The following AHRR variants were observed in gnomAD, a reference collection of about 807,000 sequenced individuals.
AHRR encodes aryl hydrocarbon receptor repressor.
A neutral mutation model predicts 44.0 loss-of-function variants in AHRR; 28 were observed. The ratio of observed to expected loss-of-function variants is 0.64; its 90% CI spans 0.47 to 0.87. AHRR has a LOEUF of 0.87. Among genes scored for constraint, AHRR ranks in the 40% least tolerant of loss-of-function variants. AHRR has a pLI of 0.00. For synonymous variants in AHRR, 434 were observed against 407.0 expected (o/e 1.07, Z -0.80); for missense variants, 990 against 953.9 (o/e 1.04, Z -0.50).
intron 4 of AHRR, among the ~76,000 whole-genome samples, chr5:399,021 CT>C (rs1728283596): frequency 6.6e-6 from 1 of 152,280 alleles, no homozygotes; most frequent in African/African-American, 2.4e-5. Context: ...GGCCTCATGG[CT>C]GCTTCCCTGC....
In AHRR at chr5:427,846, CAGA is replaced by C. The variant is rs768231215; in HGVS notation, c.757_759del (p.Lys253del). On this transcript the variant is annotated inframe_deletion, in exon 8 of 11. Coordinates refer to ENST00000684583, the MANE Select transcript of AHRR (RefSeq NM_001377236.1). Reference sequence around the variant, plus strand: ...AGGAAAACTAAAATTCCTGTTTGGACAGAAGAAGAAGGCGCCGTCAGGAGCCAT... The same window carrying C: ...AGGAAAACTAAAATTCCTGTTTGGACAGAAGAAGGCGCCGTCAGGAGCCAT... 7 of 1,614,056 alleles carry C rather than the reference CAGA, an allele frequency of 4.3e-6. No homozygotes were observed. The highest frequency in any genetic ancestry group is 3.3e-5 in the South Asian group (3 of 91,088).
intron 5 of AHRR, 133 bp downstream of exon 5, chr5:413,566 A>T: frequency 1.5e-6 from 1 of 681,788 alleles, no homozygotes; most frequent in Non-Finnish European, 2.5e-6. Flanking sequence ...TATCAGATAA[A>T]GATCTCCACA....
At chr5:396,167 C>T (rs969349665) in intron 4 of AHRR, among the ~76,000 whole-genome samples, 7 of 152,130 alleles carry the variant, frequency 4.6e-5, no homozygotes, top group African/African-American at 1.7e-4. Flanking sequence ...AGAGGGGCCC[C>T]GGGCCTTGGG....
At chr5:407,796 C>G (rs1222995393) in intron 4 of AHRR, among the ~76,000 whole-genome samples, 1 of 152,216 alleles carries the variant, frequency 6.6e-6, no homozygotes, top group East Asian at 1.9e-4. Flanking sequence ...CTCGGCCTCT[C>G]AAAATGCTGG....
rs1579598249 is a variant in AHRR at position 342,159 on chromosome 5, T to A, written c.-10-1734T>A. ...TGTGTAAAAACCAGATACTCTTCGG[T>A]TGTTGGATGGAGTGTTTTATAAATT... On this transcript the variant is annotated intron_variant, in intron 1 of 10. Coordinates refer to ENST00000684583, the MANE Select transcript of AHRR (RefSeq NM_001377236.1). This position sits in a 1 kb window ranked among gnomAD's most constrained non-coding sequence, Gnocchi z 4.3. Among the ~76,000 whole-genome samples, 1 of 152,324 alleles carries A rather than the reference T, an allele frequency of 6.6e-6. No homozygotes were observed. Among genetic ancestry groups the A allele is most frequent in the Middle Eastern group, 3.4e-3 (1 of 294 alleles).
rs776691734 is a variant in AHRR at position 413,370 on chromosome 5, G to A, written c.378G>A (p.Val126=). The A allele has an allele frequency of 1.2e-6, 2 of 1,612,736 alleles. No individual in the cohort carries two copies. The highest frequency in any genetic ancestry group is 2.7e-5 in the African/African-American group (2 of 74,710). Reference sequence around the variant, plus strand: ...CTCTTAATGGCTTTGCTCTGGTCGTGAGTGCAGAAGGGACGATATTTTATG... The same window carrying A: ...CTCTTAATGGCTTTGCTCTGGTCGTAAGTGCAGAAGGGACGATATTTTATG... ...LESLNGFALV[V]SAEGTIFYAS... The change falls in exon 5 of 11, where the codon GTG becomes GTA. Residue 126 remains valine (V), a synonymous_variant. Coordinates refer to ENST00000684583, the MANE Select transcript of AHRR (RefSeq NM_001377236.1).
chr5:375,261 G>A (rs1743737833), intron 3 of AHRR, among the ~76,000 whole-genome samples: 1 of 152,218 alleles, frequency 6.6e-6, no homozygotes, highest in South Asian at 2.1e-4. Flanking sequence ...ATCATTTTGG[G>A]ACTGTGATGG....
At chr5:382,443 G>C (rs1271194765) in intron 4 of AHRR, among the ~76,000 whole-genome samples, 1 of 152,162 alleles carries the variant, frequency 6.6e-6, no homozygotes. Flanking sequence ...TATCAGAGTT[G>C]TTCATGACAT....
chr5:378,624 TAA>T (rs954064934), intron 4 of AHRR, among the ~76,000 whole-genome samples: 5 of 152,050 alleles, frequency 3.3e-5, no homozygotes, highest in African/African-American at 1.2e-4. Flanking sequence ...GTGCAGGTGC[TAA>T]GAGTGGGAGG....
intron 2 of AHRR, among the ~76,000 whole-genome samples, chr5:348,867 T>G (rs1742766239): frequency 6.6e-6 from 1 of 152,280 alleles, no homozygotes; most frequent in South Asian, 2.1e-4. Flanking sequence ...ATGCAGTTGC[T>G]GGGTGACACA....
chr5:435,351 G>A lies in AHRR; in HGVS notation c.*517G>A, dbSNP rs542321027. 58 of 167,560 alleles carry A rather than the reference G, an allele frequency of 3.5e-4. No individual in the cohort carries two copies. The South Asian group carries it at 9.0e-3, about 26-fold the overall frequency. The allele number at this position is 167,560 out of a possible 1,614,324, so 10.4% of individuals were successfully genotyped here. A position where few individuals can be genotyped will look rare whatever the true frequency, so the allele number is the denominator to read the frequency against. ...GCTGTGCAGGCAGGGTCAGCCCATCGCCACAGTGCACTGTAGAGGCCAGCA... is the reference window on the plus strand; with the variant it reads ...GCTGTGCAGGCAGGGTCAGCCCATCACCACAGTGCACTGTAGAGGCCAGCA... On this transcript the variant is annotated 3_prime_UTR_variant, in exon 11 of 11. Coordinates refer to ENST00000684583, the MANE Select transcript of AHRR (RefSeq NM_001377236.1).
chr5:406,822 C>A lies in AHRR; in HGVS notation c.352-6522C>A, dbSNP rs1299688330. 6.6e-6 allele frequency among the ~76,000 whole-genome samples: 1 copy of A among 152,200 alleles called. No individual in the cohort carries two copies. Among genetic ancestry groups the A allele is most frequent in the African/African-American group, 2.4e-5 (1 of 41,452 alleles). On this transcript the variant is annotated intron_variant, in intron 4 of 10. Coordinates refer to ENST00000684583, the MANE Select transcript of AHRR (RefSeq NM_001377236.1). The surrounding 1 kb of genome is among the most constrained non-coding windows in gnomAD (Gnocchi z 4.7). ...TGAGACCCCGACATTGGGAAATACT[C>A]ATAAAGTTAACTTACCAACTTAATA...
In AHRR at chr5:434,676, TGCAGAGCTGCTGAGGCC is replaced by T; in HGVS notation, c.1939_1955del (p.Arg647ProfsTer49). 6.4e-7 allele frequency: 1 copy of T among 1,569,182 alleles called. No individual in the cohort carries two copies. The highest frequency in any genetic ancestry group is 8.6e-7 in the Non-Finnish European group (1 of 1,157,000). Reference sequence around the variant, plus strand: ...GGGCCGAGGTGAACAGTCCTGCACCTGCAGAGCTGCTGAGGCCGCCCCTGTGGTCAAGCGGGAGCCCT... The same window carrying T: ...GGGCCGAGGTGAACAGTCCTGCACCTGCCCCTGTGGTCAAGCGGGAGCCCT... On this transcript the variant is annotated frameshift_variant, in exon 11 of 11. Coordinates refer to ENST00000684583, the MANE Select transcript of AHRR (RefSeq NM_001377236.1).
At chr5:391,520 T>C (rs867429222) in intron 4 of AHRR, among the ~76,000 whole-genome samples, 1,385 of 22,176 alleles carry the variant, frequency 0.062, 3 homozygotes, top group Middle Eastern at 0.075. Flanking sequence ...AGAGCGTGCA[T>C]GGGGGCAGGG....
chr5:392,688 G>A (rs1025581945), intron 4 of AHRR, among the ~76,000 whole-genome samples: 2 of 152,216 alleles, frequency 1.3e-5, no homozygotes, highest in African/African-American at 4.8e-5. Flanking sequence ...GGGAAGGCTG[G>A]TTTTAGGGAC....
At chr5:376,194 A>T (rs762277577) in intron 3 of AHRR, among the ~76,000 whole-genome samples, 2 of 124,094 alleles carry the variant, frequency 1.6e-5, no homozygotes, top group Non-Finnish European at 1.6e-5. Flanking sequence ...CGTGGGTCTC[A>T]GGGGAGGGGC....
chr5:412,715 C>CTTT (rs11285209), intron 4 of AHRR, among the ~76,000 whole-genome samples: 77 of 96,958 alleles, frequency 7.9e-4, no homozygotes, highest in African/African-American at 1.9e-3. Flanking sequence ...CTCTCTCTCT[C>CTTT]TTTTTTTTTT....
At chr5:344,481 C>T (rs1349133942) in intron 2 of AHRR, among the ~76,000 whole-genome samples, 1 of 5,846 alleles carries the variant, frequency 1.7e-4, no homozygotes. Flanking sequence ...TGTGTGTGCG[C>T]GGGGGGAGCT....
intron 8 of AHRR, among the ~76,000 whole-genome samples, chr5:429,525 G>T (rs1457595053): frequency 6.6e-6 from 1 of 152,232 alleles, no homozygotes; most frequent in Non-Finnish European, 1.5e-5. Context: ...GTCCTTGGCT[G>T]TCGGTGAGGT....
Sources: allele counts gnomAD v4.1 joint callset (sites outside exome capture counted in the v4.1 genomes callset), GRCh38; gene constraint gnomAD v4.1.1; non-coding constraint Gnocchi (gnomAD v3.1); transcripts MANE v1.5; gene names NCBI Gene and HGNC (gene_info 2026-07-23, HGNC 2026-07-21).